The following POLR3D variants were observed in gnomAD, a reference collection of about 807,000 sequenced individuals.
POLR3D encodes the protein DNA-directed RNA polymerase III subunit RPC4.
A neutral mutation model predicts 44.5 loss-of-function variants in POLR3D; 42 were observed. The ratio of observed to expected loss-of-function variants is 0.94; its 90% CI spans 0.74 to 1.22. The LOEUF (loss-of-function observed/expected upper bound fraction) is 1.22. POLR3D is among the 50% of genes most tolerant of loss of function. POLR3D has a pLI of 0.00. For synonymous variants in POLR3D, 217 were observed against 198.1 expected (o/e 1.10, Z -0.80); for missense variants, 507 against 505.2 (o/e 1.00, Z -0.03).
rs1028349575 is a variant in POLR3D, at chr8:22,252,554, C to T, written c.*2036C>T. 2.2e-4 allele frequency: 34 copies of T among 152,230 alleles called. No individual in the cohort carries two copies. The highest frequency in any genetic ancestry group is 7.0e-4 in the African/African-American group (29 of 41,448). 9.4% of individuals were successfully genotyped at this position (152,230 alleles called of 1,614,324 possible). On this transcript the variant is annotated 3_prime_UTR_variant, in exon 9 of 9. Coordinates refer to ENST00000306433, the MANE Select transcript of POLR3D (RefSeq NM_001722.3). ...TTATGACTCCGTATCAAAGTCCTCA[C>T]AACCTGTCTCAGATCCCTGATGCAC... is the stretch of plus-strand genomic sequence containing the variant.
In POLR3D at chr8:22,251,436, G is replaced by A. The variant is rs1193370141; in HGVS notation, c.*918G>A. On this transcript the variant is annotated 3_prime_UTR_variant, in exon 9 of 9. Coordinates refer to ENST00000306433, the MANE Select transcript of POLR3D (RefSeq NM_001722.3). Reference sequence around the variant, plus strand: ...CTCCCAGCACCCTACAAAAGCCTTTGGGGGACATGTTGGGCCCAGGACATG... The same window carrying A: ...CTCCCAGCACCCTACAAAAGCCTTTAGGGGACATGTTGGGCCCAGGACATG... The A allele has an allele frequency of 6.5e-6, 1 of 153,692 alleles. No individual in the cohort carries two copies. The highest frequency in any genetic ancestry group is 1.5e-5 in the Non-Finnish European group (1 of 68,048). The allele number at this position is 153,692 out of a possible 1,614,324, so 9.5% of individuals were successfully genotyped here.
intron 2 of POLR3D, 125 bp downstream of exon 2, chr8:22,245,739 T>G (rs1830033668): frequency 1.8e-6 from 1 of 561,434 alleles, no homozygotes; most frequent in East Asian, 3.5e-5. Context: ...AGCCTACCCC[T>G]CTTTAAATTC....
chr8:22,252,075 C>G lies in POLR3D; in HGVS notation c.*1557C>G, dbSNP rs1830110323. On this transcript the variant is annotated 3_prime_UTR_variant, in exon 9 of 9. Coordinates refer to ENST00000306433, the MANE Select transcript of POLR3D (RefSeq NM_001722.3). ...AAGGCTGGGCTTCTCCTACAAAGCC[C>G]TCAACCTGCCCAGCCAGCAGCTGTG... 6.5e-6 allele frequency: 1 copy of G among 153,760 alleles called. No individual in the cohort carries two copies. The highest frequency in any genetic ancestry group is 2.4e-5 in the African/African-American group (1 of 41,452). The allele number at this position is 153,760 out of a possible 1,614,324, so 9.5% of individuals were successfully genotyped here.
At chr8:22,246,368 C>T (rs1041554469) in intron 2 of POLR3D, among the ~76,000 whole-genome samples, 1 of 151,942 alleles carries the variant, frequency 6.6e-6, no homozygotes, top group African/African-American at 2.4e-5. Flanking sequence ...CCTCGTGATC[C>T]GCCCGCCTGC....
chr8:22,249,954 ACT>A, intron 7 of POLR3D, 119 bp from the exon 8 acceptor site: 1 of 1,051,736 alleles, frequency 9.5e-7, no homozygotes, highest in African/African-American at 1.6e-5. Flanking sequence ...AGGAGAAGGC[ACT>A]CTTTGGGGAG....
intron 2 of POLR3D, among the ~76,000 whole-genome samples, chr8:22,246,075 GCC>G (rs2131947222): frequency 6.6e-6 from 1 of 152,248 alleles, no homozygotes; most frequent in South Asian, 2.1e-4. Flanking sequence ...GTCAAGAGTA[GCC>G]CAGAAAGGGG....
Position 22,248,276 on chromosome 8 carries a change from G to A in POLR3D, c.484G>A (p.Asp162Asn), listed in dbSNP as rs1418216586. The change falls in exon 5 of 9, where the codon GAT (aspartate) becomes AAT (asparagine). Residue 162 changes from aspartate (D) to asparagine (N), a missense_variant and splice_region_variant. Transcript: ENST00000306433. ...GATCTTGCGTATGCTGGAGAAGGAC[G>A]ATGTGGGTACCAGGAGGCTGGGGGA... is the stretch of plus-strand genomic sequence containing the variant. Reference protein sequence around the residue: ...KQILRMLEKDDFLDDPGLRND... With the variant: ...KQILRMLEKDNFLDDPGLRND... 41 of 1,613,632 alleles carry A rather than the reference G, an allele frequency of 2.5e-5. No individual in the cohort carries two copies. The highest frequency in any genetic ancestry group is 4.0e-5 in the African/African-American group (3 of 74,898).
In POLR3D at chr8:22,251,502, A is replaced by T. The variant is rs1037972524; in HGVS notation, c.*984A>T. 6.5e-6 allele frequency: 1 copy of T among 153,788 alleles called. No homozygotes were observed. Among genetic ancestry groups the T allele is most frequent in the African/African-American group, 2.4e-5 (1 of 41,458 alleles). 9.5% of individuals were successfully genotyped at this position (153,788 alleles called of 1,614,324 possible). A position where few individuals can be genotyped will look rare whatever the true frequency, so the allele number is the denominator to read the frequency against. ...CCTTTGCAGTTAGTACTCATGTATG[A>T]GCCGAAGTCATATATTGCTAACAAA... is the stretch of plus-strand genomic sequence containing the variant. On this transcript the variant is annotated 3_prime_UTR_variant, in exon 9 of 9. Transcript: ENST00000306433.
Position 22,250,667 on chromosome 8 carries a change from T to A in POLR3D, c.*149T>A. 1 of 906,134 alleles carries A rather than the reference T, an allele frequency of 1.1e-6. No homozygotes were observed. The highest frequency in any genetic ancestry group is 1.7e-6 in the Non-Finnish European group (1 of 577,284). The allele number at this position is 906,134 out of a possible 1,614,324, so 56.1% of individuals were successfully genotyped here. On this transcript the variant is annotated 3_prime_UTR_variant, in exon 9 of 9. Transcript: ENST00000306433. ...CCATTGTTCCAGGTCCCCCAGGGCTTCCTCCCACAGCAGCTGTGAATGGCA... is the reference window on the plus strand; with the variant it reads ...CCATTGTTCCAGGTCCCCCAGGGCTACCTCCCACAGCAGCTGTGAATGGCA...
At chr8:22,245,955 G>C (rs185755130) in intron 2 of POLR3D, among the ~76,000 whole-genome samples, 135 of 152,286 alleles carry the variant, frequency 8.9e-4, no homozygotes, top group Non-Finnish European at 1.7e-3. Flanking sequence ...AGTCTTAGAG[G>C]GTTCAGAATT....
chr8:22,251,361 TGA>T lies in POLR3D; in HGVS notation c.*845_*846del, dbSNP rs1383007932. The T allele has an allele frequency of 2.0e-5, 3 of 153,716 alleles. No individual in the cohort carries two copies. The highest frequency in any genetic ancestry group is 2.1e-4 in the South Asian group (1 of 4,822). The allele number at this position is 153,716 out of a possible 1,614,324, so 9.5% of individuals were successfully genotyped here. On this transcript the variant is annotated 3_prime_UTR_variant, in exon 9 of 9. Transcript: ENST00000306433. The stretch of plus-strand genomic sequence containing the variant: ...TCCTGTTAGCCAGGTGCCTCCTGTG[TGA>T]GTTACTGTAATAGCTGCAGGTAATA...
At chr8:22,245,789 C>T (rs1451790048) in intron 2 of POLR3D, among the ~76,000 whole-genome samples, 175 bp downstream of exon 2, 1 of 152,150 alleles carries the variant, frequency 6.6e-6, no homozygotes, top group East Asian at 1.9e-4. Flanking sequence ...GTACTGAGTA[C>T]AAGATGTTGA....
rs1563318871 is a variant in POLR3D, at chr8:22,248,024, C to T, written c.361+16C>T. On this transcript the variant is annotated intron_variant, in intron 4 of 8. Transcript: ENST00000306433. ...AAGAAAAAAGGTATAAGGAAGGAAT[C>T]AGTGAATTTCAGTTCAGACTGCCCC... is the stretch of plus-strand genomic sequence containing the variant. 1 of 1,610,910 alleles carries T rather than the reference C, an allele frequency of 6.2e-7. No individual in the cohort carries two copies. The highest frequency in any genetic ancestry group is 1.1e-5 in the South Asian group (1 of 90,940).
intron 7 of POLR3D, 44 bp from the exon 8 acceptor site, chr8:22,250,031 A>G: frequency 6.2e-7 from 1 of 1,607,240 alleles, no homozygotes; most frequent in Non-Finnish European, 8.5e-7. Flanking sequence ...AAGATGGAGG[A>G]AAGAGCTCCT....
rs1291561902 is a variant in POLR3D at position 22,251,066 on chromosome 8, A to AC, written c.*550dup. 6.4e-6 allele frequency: 1 copy of AC among 155,832 alleles called. No individual in the cohort carries two copies. Among genetic ancestry groups the AC allele is most frequent in the African/African-American group, 2.4e-5 (1 of 41,460 alleles). 9.7% of individuals were successfully genotyped at this position (155,832 alleles called of 1,614,324 possible). On this transcript the variant is annotated 3_prime_UTR_variant, in exon 9 of 9. Transcript: ENST00000306433. ...TCCGACACAAATGGGGATGATACCT[A>AC]CCTCCAGGGTTGGCGTGAGGATTCA... is the stretch of plus-strand genomic sequence containing the variant.
rs373777621 is a variant in POLR3D, at chr8:22,250,145, T to C, written c.992T>C (p.Ile331Thr). 5 of 1,613,980 alleles carry C rather than the reference T, an allele frequency of 3.1e-6. No homozygotes were observed. Among genetic ancestry groups the C allele is most frequent in the Non-Finnish European group, 4.2e-6 (5 of 1,180,020 alleles). Residue 331 changes from isoleucine (I) to threonine (T), a missense_variant, in exon 8 of 9, where the codon ATC (isoleucine) becomes ACC (threonine). Transcript: ENST00000306433. ...GAGGGTCAGGTTGGCAAGCTACTCA[T>C]CCGCAAGTCTGGAAGGGTGCAACTC... ...LTEGQVGKLL[I>T]RKSGRVQLLL...
chr8:22,248,514 C>T lies in POLR3D; in HGVS notation c.520C>T (p.Arg174Ter), dbSNP rs764734693. The stretch of plus-strand genomic sequence containing the variant: ...TGACCCCGGCCTGAGGAACGACACT[C>T]GAAATATGCCTGTGCAGCTGCCGCT... ...LDDPGLRNDT[R>*]NMPVQLPLAH... is the part of the protein sequence containing the mutation. Residue 174 changes from arginine to a stop codon, truncating the protein, a stop_gained, in exon 6 of 9, where the codon CGA (arginine) becomes TGA (stop). Coordinates refer to ENST00000306433, the MANE Select transcript of POLR3D (RefSeq NM_001722.3). LOFTEE classifies it high-confidence loss of function. 5.0e-6 allele frequency: 8 copies of T among 1,614,032 alleles called. No homozygotes were observed. The highest frequency in any genetic ancestry group is 1.7e-5 in the Admixed American group (1 of 59,988).
At chr8:22,246,116 AGGTTTT>A (rs112347265) in intron 2 of POLR3D, among the ~76,000 whole-genome samples, 1 of 151,788 alleles carries the variant, frequency 6.6e-6, no homozygotes, top group African/African-American at 2.4e-5. Flanking sequence ...AGAACAAAGC[AGGTTTT>A]GGTTTTGGTT....
Position 22,249,222 on chromosome 8 carries a change from G to A in POLR3D, c.834G>A (p.Gln278=). The change falls in exon 7 of 9, where the codon CAG becomes CAA. Residue 278 remains glutamine (Q), a synonymous_variant. Transcript: ENST00000306433. The part of the protein sequence containing the change: ...FLQLPDTLPG[Q]PPTQDIKPIK... ...AGCTGCCAGACACCCTCCCTGGCCA[G>A]CCACCCACCCAGGACATCAAGCCTA... The A allele has an allele frequency of 6.2e-7, 1 of 1,614,090 alleles. No homozygotes were observed. Among genetic ancestry groups the A allele is most frequent in the South Asian group, 1.1e-5 (1 of 91,074 alleles).
Sources: gnomAD v4.1 joint callset for allele counts (sites outside exome capture counted in the v4.1 genomes callset) on GRCh38, gnomAD v4.1.1 for gene constraint, MANE v1.5 for transcripts, NCBI Gene and HGNC (gene_info 2026-07-23, HGNC 2026-07-21) for gene names.